Variants in BANF1 observed in about 807,000 individuals in gnomAD.
The protein encoded by BANF1 is barrier to autointegration nuclear assembly factor 1.
For missense variants in BANF1, 47 were observed against 110.4 expected (o/e 0.43, Z 2.57); for synonymous variants, 49 against 43.7 (o/e 1.12, Z -0.48).
chr11:66,003,574 A>C (rs983316418), intron 2 of BANF1, 52 bp from the exon 3 acceptor site: 11 of 1,585,878 alleles, frequency 6.9e-6, no homozygotes, highest in Admixed American at 5.5e-5. Context: ...TCTTGCTCTT[A>C]TCTCTCACTG....
chr11:66,004,137 G>A lies in BANF1; in HGVS notation c.*365G>A. The A allele has an allele frequency of 2.9e-6, 1 of 348,330 alleles. No individual in the cohort carries two copies. Among genetic ancestry groups the A allele is most frequent in the Middle Eastern group, 1.0e-3 (1 of 982 alleles). 21.6% of individuals were successfully genotyped at this position (348,330 alleles called of 1,614,324 possible). On this transcript the variant is annotated 3_prime_UTR_variant, in exon 3 of 3. Coordinates refer to ENST00000312175, the MANE Select transcript of BANF1 (RefSeq NM_003860.4). ...AAAGTTTTTTAGATCAATAAAGTCA[G>A]TGGCTTTCATGACTGGGCTTTGTGC...
At position 66,003,883 on chromosome 11, in the gene BANF1, C is replaced by T. The variant is rs961404591; in HGVS notation, c.*111C>T. 4.1e-6 allele frequency: 6 copies of T among 1,478,612 alleles called. No individual in the cohort carries two copies. The African/African-American group carries it at 5.6e-5, about 14-fold the overall frequency. 91.6% of individuals were successfully genotyped at this position (1,478,612 alleles called of 1,614,324 possible). On this transcript the variant is annotated 3_prime_UTR_variant, in exon 3 of 3. Coordinates refer to ENST00000312175, the MANE Select transcript of BANF1 (RefSeq NM_003860.4). ...AAGATTGCTATTGTCGTACTCACCT[C>T]CGACGTACTCCGGGGTCTTTTGGGA... is the stretch of plus-strand genomic sequence containing the variant.
In BANF1 at chr11:66,003,864, G is replaced by A. The variant is rs546873462; in HGVS notation, c.*92G>A. 25 of 1,577,846 alleles carry A rather than the reference G, an allele frequency of 1.6e-5. No homozygotes were observed. The highest frequency in any genetic ancestry group is 2.2e-5 in the Non-Finnish European group (25 of 1,154,560). ...CCTGTCCTCTACGAAGGAAAAGATT[G>A]CTATTGTCGTACTCACCTCCGACGT... On this transcript the variant is annotated 3_prime_UTR_variant, in exon 3 of 3. Transcript: ENST00000312175.
chr11:66,003,570 T>G (rs1856062732), intron 2 of BANF1, 56 bp from the exon 3 acceptor site: 1 of 1,588,582 alleles, frequency 6.3e-7, no homozygotes, highest in Admixed American at 1.8e-5. Flanking sequence ...GCTGTCTTGC[T>G]CTTATCTCTC....
At chr11:66,002,613 G>C (rs1441823365) in intron 1 of BANF1, 43 bp downstream of exon 1, 1 of 152,342 alleles carries the variant, frequency 6.6e-6, no homozygotes, top group Non-Finnish European at 1.5e-5. Flanking sequence ...GGAGGCCAGA[G>C]GGGTTGCGGG....
intron 1 of BANF1, 181 bp from the exon 2 acceptor site, chr11:66,003,054 A>G (rs1336423252): frequency 3.0e-6 from 2 of 665,812 alleles, no homozygotes; most frequent in East Asian, 5.7e-5. Context: ...TGCAGGAAGA[A>G]ACTCCTCTTA....
chr11:66,003,155 C>G, intron 1 of BANF1, 80 bp from the exon 2 acceptor site: 1 of 1,523,864 alleles, frequency 6.6e-7, no homozygotes, highest in South Asian at 1.2e-5. Context: ...GCTTGGCTTC[C>G]TCTTACTATG....
At position 66,003,894 on chromosome 11, in the gene BANF1, CG is replaced by C; in HGVS notation, c.*126del. ...TGTCGTACTCACCTCCGACGTACTC[CG>C]GGGTCTTTTGGGAGTTTTCTCCCCT... On this transcript the variant is annotated 3_prime_UTR_variant, in exon 3 of 3. Coordinates refer to ENST00000312175, the MANE Select transcript of BANF1 (RefSeq NM_003860.4). 1 of 1,440,054 alleles carries C rather than the reference CG, an allele frequency of 6.9e-7. No individual in the cohort carries two copies. The highest frequency in any genetic ancestry group is 2.4e-5 in the East Asian group (1 of 41,402). The allele number at this position is 1,440,054 out of a possible 1,614,324, so 89.2% of individuals were successfully genotyped here.
intron 2 of BANF1, 122 bp from the exon 3 acceptor site, chr11:66,003,504 G>C: frequency 6.2e-7 from 1 of 1,609,240 alleles, no homozygotes; most frequent in Non-Finnish European, 8.5e-7. Context: ...GAGAGGAGAG[G>C]GGGGCAAAAC....
chr11:66,003,592 AGCAGCAC>A, intron 2 of BANF1, 27 bp from the exon 3 acceptor site: 1 of 1,516,858 alleles, frequency 6.6e-7, no homozygotes, highest in Non-Finnish European at 9.0e-7. Flanking sequence ...CTGAGCACTG[AGCAGCAC>A]GCTCCTTCCT....
intron 1 of BANF1, chr11:66,002,946 C>T (rs377325260): frequency 1.6e-4 from 68 of 418,904 alleles, no homozygotes; most frequent in South Asian, 1.3e-3. Flanking sequence ...TTCCGCGCAG[C>T]CCTGGCTACG....
At position 66,003,265 on chromosome 11, in the gene BANF1, A is replaced by G; in HGVS notation, c.15A>G (p.Gln5=). 6.2e-7 allele frequency: 1 copy of G among 1,613,484 alleles called. No homozygotes were observed. Among genetic ancestry groups the G allele is most frequent in the Non-Finnish European group, 8.5e-7 (1 of 1,179,806 alleles). Residue 5 remains glutamine (Q), a synonymous_variant, in exon 2 of 3, where the codon CAA becomes CAG. Transcript: ENST00000312175. Reference sequence around the variant, plus strand: ...GCCTGATCAAGATGACAACCTCCCAAAAGCACCGAGACTTCGTGGCAGAGC... The same window carrying G: ...GCCTGATCAAGATGACAACCTCCCAGAAGCACCGAGACTTCGTGGCAGAGC... The part of the protein sequence containing the change: MTTS[Q]KHRDFVAEPM...
intron 1 of BANF1, chr11:66,002,870 C>T (rs1048898316): frequency 6.1e-6 from 2 of 325,960 alleles, no homozygotes; most frequent in South Asian, 2.5e-5. Flanking sequence ...GCTTTCCACG[C>T]CAAGTGGCCG....
Position 66,003,242 on chromosome 11 carries a change from C to T in BANF1, c.-9C>T, listed in dbSNP as rs373689600. ...TTTTTTTGGGATTCCTAGATTAAGC[C>T]TGATCAAGATGACAACCTCCCAAAA... is the stretch of plus-strand genomic sequence containing the variant. On this transcript the variant is annotated 5_prime_UTR_variant, in exon 2 of 3. Transcript: ENST00000312175. 6.2e-6 allele frequency: 10 copies of T among 1,612,738 alleles called. No homozygotes were observed. The African/African-American group carries it at 8.0e-5, about 13-fold the overall frequency.
intron 2 of BANF1, 119 bp from the exon 3 acceptor site, chr11:66,003,502 AGGGGG>A: frequency 1.2e-6 from 2 of 1,608,244 alleles, no homozygotes; most frequent in Non-Finnish European, 1.7e-6. Flanking sequence ...TGGAGAGGAG[AGGGGG>A]GCAAAACCCG....
intron 1 of BANF1, 108 bp from the exon 2 acceptor site, chr11:66,003,127 A>G (rs1856045597): frequency 1.7e-6 from 2 of 1,188,436 alleles, no homozygotes; most frequent in Admixed American, 3.9e-5. Context: ...GGGATCGAGC[A>G]AGCCACTGTA....
In BANF1 at chr11:66,003,139, C is replaced by A. The variant is rs907740318; in HGVS notation, c.-16-96C>A. 5.2e-6 allele frequency: 7 copies of A among 1,350,412 alleles called. No homozygotes were observed. In the African/African-American group the frequency reaches 1.0e-4, roughly 19 times the overall value. 83.7% of individuals were successfully genotyped at this position (1,350,412 alleles called of 1,614,324 possible). ...AGGGGGATCGAGCAAGCCACTGTAA[C>A]CCCTGGCTTGGCTTCCTCTTACTAT... On this transcript the variant is annotated intron_variant, in intron 1 of 2. Transcript: ENST00000312175.
intron 2 of BANF1, 48 bp from the exon 3 acceptor site, chr11:66,003,578 C>T (rs1265797675): frequency 6.3e-7 from 1 of 1,583,940 alleles, no homozygotes; most frequent in Non-Finnish European, 8.6e-7. Flanking sequence ...GCTCTTATCT[C>T]TCACTGAGCA....
At chr11:66,003,556 A>C in intron 2 of BANF1, 70 bp from the exon 3 acceptor site, 1 of 1,610,858 alleles carries the variant, frequency 6.2e-7, no homozygotes, top group South Asian at 1.1e-5. Context: ...ATGGCACAGG[A>C]ATGGCTGTCT....
Sources: allele counts gnomAD v4.1 joint callset, GRCh38; gene constraint gnomAD v4.1.1; transcripts MANE v1.5; gene names NCBI Gene and HGNC (gene_info 2026-07-23, HGNC 2026-07-21).